Variants in SH3YL1 observed in about 807,000 individuals in gnomAD.
The protein encoded by SH3YL1 is SH3 domain-containing YSC84-like protein 1.
In SH3YL1, 41 loss-of-function variants were observed where a neutral mutation model predicts 45.8. That is an observed-to-expected ratio of 0.89 (90% CI 0.70 to 1.16). The LOEUF is 1.16. Ranked by LOEUF, SH3YL1 falls within the 50% of genes most tolerant of loss-of-function variation. SH3YL1 has a pLI of 0.00. For synonymous variants in SH3YL1, 152 were observed against 151.4 expected (o/e 1.00, Z -0.03); for missense variants, 389 against 409.6 (o/e 0.95, Z 0.43).
chr2:226,159 C>A (rs1261554657), intron 8 of SH3YL1, among the ~76,000 whole-genome samples: 2 of 152,102 alleles, frequency 1.3e-5, no homozygotes, highest in Non-Finnish European at 2.9e-5. Flanking sequence ...AGACCTTAAT[C>A]ATGACCAAAG....
intron 4 of SH3YL1, among the ~76,000 whole-genome samples, chr2:239,010 G>T (rs1668427135): frequency 6.6e-6 from 1 of 152,150 alleles, no homozygotes; most frequent in Non-Finnish European, 1.5e-5. Flanking sequence ...TAAGCTTAGG[G>T]TCACTTACAC....
intron 4 of SH3YL1, chr2:239,711 A>G (rs1022720308): frequency 2.0e-5 from 3 of 152,224 alleles, no homozygotes; most frequent in African/African-American, 7.2e-5. Flanking sequence ...AATCAGAATG[A>G]CACTGCAGTG....
chr2:255,957 TCAA>T (rs1375461135), intron 1 of SH3YL1: 1 of 152,214 alleles, frequency 6.6e-6, no homozygotes, highest in Non-Finnish European at 1.5e-5. Context: ...GCTTTTCAAA[TCAA>T]CTTCATGAGA....
intron 4 of SH3YL1, among the ~76,000 whole-genome samples, chr2:237,635 T>C (rs182701677): frequency 1.3e-5 from 2 of 152,102 alleles, no homozygotes; most frequent in Non-Finnish European, 2.9e-5. Context: ...GTAGGGTGAG[T>C]ATGGTTCACA....
chr2:222,502 TG>T (rs1667621848), intron 9 of SH3YL1: 1 of 152,258 alleles, frequency 6.6e-6, no homozygotes, highest in African/African-American at 2.4e-5. Context: ...CAGCCTAAAT[TG>T]TGTGTAGTGC....
intron 4 of SH3YL1, among the ~76,000 whole-genome samples, chr2:244,227 T>C (rs1397539897): frequency 6.7e-6 from 1 of 149,282 alleles, no homozygotes; most frequent in East Asian, 1.9e-4. Flanking sequence ...CCTGGAGCGG[T>C]GGCTCACGCC....
chr2:227,959 TAAGAA>T (rs369492690), intron 8 of SH3YL1, among the ~76,000 whole-genome samples: 166 of 152,130 alleles, frequency 1.1e-3, no homozygotes, highest in African/African-American at 3.8e-3. Context: ...ATAAAGAACT[TAAGAA>T]AAGGTCAGAT....
intron 3 of SH3YL1, among the ~76,000 whole-genome samples, chr2:249,483 T>C (rs369048379): frequency 6.6e-6 from 1 of 152,328 alleles, no homozygotes; most frequent in East Asian, 1.9e-4. Flanking sequence ...ACAAAATGCA[T>C]GCAAAACAAA....
chr2:249,738 T>C lies in SH3YL1; in HGVS notation c.219A>G (p.Pro73=), dbSNP rs2103047770. The C allele has an allele frequency of 1.2e-5, 18 of 1,551,242 alleles. No individual in the cohort carries two copies. The highest frequency in any genetic ancestry group is 2.0e-5 in the Admixed American group (1 of 51,004). ...GGSGIVVARL[P]DGKWSAPSAI... ...GAACAGACGCCAACTTACTTCCATC[T>C]GGAAGGCGCGCCACTACAATCCCGC... Residue 73 remains proline (P), a synonymous_variant, in exon 3 of 10, where the codon CCA becomes CCG. Transcript: ENST00000356150.
chr2:253,178 A>G, intron 1 of SH3YL1, 63 bp from the exon 2 acceptor site: 1 of 929,450 alleles, frequency 1.1e-6, no homozygotes, highest in Non-Finnish European at 1.6e-6. Flanking sequence ...GAAATTTATT[A>G]TTATTTCATT....
intron 1 of SH3YL1, among the ~76,000 whole-genome samples, chr2:255,700 C>T (rs1572179374): frequency 6.6e-6 from 1 of 152,180 alleles, no homozygotes; most frequent in East Asian, 1.9e-4. Context: ...TGTGGCTCAA[C>T]ACAGGAGTAT....
chr2:225,420 G>A (rs988053490), intron 8 of SH3YL1, among the ~76,000 whole-genome samples: 1 of 152,228 alleles, frequency 6.6e-6, no homozygotes, highest in Non-Finnish European at 1.5e-5. Flanking sequence ...AAGACGAAGA[G>A]CACACCTTGC....
intron 1 of SH3YL1, among the ~76,000 whole-genome samples, chr2:253,498 G>A (rs912921302): frequency 4.6e-5 from 7 of 152,218 alleles, no homozygotes; most frequent in Admixed American, 1.3e-4. Flanking sequence ...TCCCACCAGC[G>A]CCATGACAGT....
chr2:224,475 A>G (rs901842159), intron 9 of SH3YL1, among the ~76,000 whole-genome samples: 5 of 152,236 alleles, frequency 3.3e-5, no homozygotes, highest in Non-Finnish European at 5.9e-5. Context: ...AAGCTTCCAG[A>G]CAGCAAATGT....
In SH3YL1 at chr2:252,929, G is replaced by A. The variant is rs1669135386; in HGVS notation, c.112+76C>T. ...ATTGATGGAGGCTTCTGCCTGAAAT[G>A]GAGTGTCGAACAATGCAAAAAACAA... On this transcript the variant is annotated intron_variant, in intron 2 of 9. Transcript: ENST00000356150. 5 of 831,442 alleles carry A rather than the reference G, an allele frequency of 6.0e-6. No individual in the cohort carries two copies. The East Asian group carries it at 1.1e-4, about 18-fold the overall frequency. The allele number at this position is 831,442 out of a possible 1,614,324, so 51.5% of individuals were successfully genotyped here.
Position 258,911 on chromosome 2 carries a change from A to C in SH3YL1, c.1+5073T>G, listed in dbSNP as rs555561915. 2.6e-5 allele frequency among the ~76,000 whole-genome samples: 4 copies of C among 152,322 alleles called. 1 individual carries two copies. In the South Asian group the frequency reaches 8.3e-4, roughly 32 times the overall value. ...AGAAGGCTCAGGGGGATCCCTCTGCAGATTTCTGGAGCTCTTTCTCTCAGC... is the reference window on the plus strand; with the variant it reads ...AGAAGGCTCAGGGGGATCCCTCTGCCGATTTCTGGAGCTCTTTCTCTCAGC... On this transcript the variant is annotated intron_variant, in intron 1 of 9. Coordinates refer to ENST00000356150, the MANE Select transcript of SH3YL1 (RefSeq NM_015677.4).
At chr2:237,305 T>C (rs1327945766) in intron 4 of SH3YL1, among the ~76,000 whole-genome samples, 1 of 152,066 alleles carries the variant, frequency 6.6e-6, no homozygotes, top group African/African-American at 2.4e-5. Context: ...GATCTCTCTT[T>C]AGTTCTTTTG....
intron 1 of SH3YL1, among the ~76,000 whole-genome samples, chr2:259,244 G>T (rs1669486483): frequency 6.6e-6 from 1 of 152,164 alleles, no homozygotes; most frequent in South Asian, 2.1e-4. Flanking sequence ...GTAGCTCTCA[G>T]TGCATTTTCC....
intron 5 of SH3YL1, among the ~76,000 whole-genome samples, chr2:233,769 C>CA (rs1348989223): frequency 2.0e-5 from 3 of 151,566 alleles, no homozygotes; most frequent in East Asian, 1.9e-4. Flanking sequence ...AAACACGGCT[C>CA]AAAAAAAACA....
Sources: gnomAD v4.1 joint callset for allele counts (sites outside exome capture counted in the v4.1 genomes callset) on GRCh38, gnomAD v4.1.1 for gene constraint, MANE v1.5 for transcripts, NCBI Gene and HGNC (gene_info 2026-07-23, HGNC 2026-07-21) for gene names.